Variants in SORD observed in about 807,000 individuals in gnomAD.
The protein encoded by SORD is sorbitol dehydrogenase.
A neutral mutation model predicts 35.6 loss-of-function variants in SORD; 18 were observed. The observed-to-expected ratio is 0.51, with a 90% CI of 0.35 to 0.75. The LOEUF (loss-of-function observed/expected upper bound fraction) is 0.75. Ranked by LOEUF, SORD falls within the 30% of genes least tolerant of loss-of-function variation. The pLI, the probability that SORD is intolerant of heterozygous loss-of-function variation, is 0.01. For missense variants in SORD, 250 were observed against 390.2 expected, an observed-to-expected ratio of 0.64 and a Z score of 3.03; for synonymous variants, 106 against 152.9, an observed-to-expected ratio of 0.69 and a Z score of 2.26.
chr15:45,053,502 C>G (rs376174637), intron 3 of SORD, among the ~76,000 whole-genome samples: 11 of 152,282 alleles, frequency 7.2e-5, no homozygotes, highest in African/African-American at 2.6e-4. Flanking sequence ...AACCAGACTT[C>G]CAACTTTTTT....
intron 5 of SORD, among the ~76,000 whole-genome samples, chr15:45,067,359 C>CA (rs1015984978): frequency 3.3e-5 from 5 of 151,322 alleles, no homozygotes; most frequent in Non-Finnish European, 5.9e-5. Context: ...GACTCTGTCT[C>CA]AAAAAAAATA....
chr15:45,051,795 T>C (rs1460072719), intron 3 of SORD, among the ~76,000 whole-genome samples: 1 of 152,236 alleles, frequency 6.6e-6, no homozygotes, highest in East Asian at 1.9e-4. Context: ...GAGATTCTTG[T>C]AAACCTTTTA....
chr15:45,053,008 G>A (rs1369247128), intron 3 of SORD, among the ~76,000 whole-genome samples: 1 of 152,096 alleles, frequency 6.6e-6, no homozygotes, highest in African/African-American at 2.4e-5. Flanking sequence ...CAGTTGGCTC[G>A]AGAATACAGA....
intron 1 of SORD, 32 bp from the exon 2 acceptor site, chr15:45,040,376 C>T (rs756896408): frequency 1.4e-5 from 18 of 1,281,670 alleles, no homozygotes; most frequent in South Asian, 1.1e-4. Context: ...CTTATGCATG[C>T]TAAATGATTT....
At chr15:45,045,544 C>CAA (rs58487905) in intron 3 of SORD, among the ~76,000 whole-genome samples, 18 of 62,768 alleles carry the variant, frequency 2.9e-4, no homozygotes, top group East Asian at 9.5e-4. Context: ...GACTCCATCT[C>CAA]AAAAAAAAAA....
chr15:45,069,919 A>T (rs1893483086), intron 7 of SORD: 1 of 152,126 alleles, frequency 6.6e-6, no homozygotes, highest in South Asian at 2.1e-4. Flanking sequence ...CCAGCCACTT[A>T]TGGGAAGTTG....
intron 3 of SORD, among the ~76,000 whole-genome samples, chr15:45,059,680 A>G (rs1339974136): frequency 1.3e-5 from 2 of 152,136 alleles, no homozygotes; most frequent in Non-Finnish European, 2.9e-5. Context: ...TTTTTTTTGT[A>G]AAGATGAGGT....
intron 2 of SORD, among the ~76,000 whole-genome samples, chr15:45,040,833 GA>G (rs1314282659): frequency 6.6e-6 from 1 of 152,186 alleles, no homozygotes; most frequent in Non-Finnish European, 1.5e-5. Flanking sequence ...CCCAAACTTT[GA>G]AAAGGAGTGA....
intron 7 of SORD, among the ~76,000 whole-genome samples, chr15:45,069,308 G>T (rs1415834761): frequency 7.2e-6 from 1 of 138,500 alleles, no homozygotes; most frequent in Admixed American, 8.1e-5. Context: ...CTGGGTTCAC[G>T]CCATTTTCCT....
chr15:45,056,514 A>G (rs1356146908), intron 3 of SORD, among the ~76,000 whole-genome samples: 1 of 152,246 alleles, frequency 6.6e-6, no homozygotes, highest in Non-Finnish European at 1.5e-5. Context: ...AGAACATTCC[A>G]TGCTCATGGG....
intron 3 of SORD, among the ~76,000 whole-genome samples, chr15:45,055,853 G>A (rs1478923059): frequency 6.6e-6 from 1 of 152,098 alleles, no homozygotes; most frequent in East Asian, 1.9e-4. Flanking sequence ...ATCAATAAAT[G>A]TAATCCAGCA....
At position 45,061,075 on chromosome 15, in the gene SORD, G is replaced by C. The variant is rs754260257; in HGVS notation, c.274G>C (p.Val92Leu). The change falls in exon 4 of 9, where the codon GTT becomes CTT. Residue 92 changes from valine to leucine, a missense_variant. Val to Leu is a conservative substitution (Grantham distance 32). Around this residue, in one of 8 missense-constraint regions of SORD, gnomAD observed 126 missense variants for 148.7 expected, o/e 0.85. Coordinates refer to ENST00000267814, the MANE Select transcript of SORD (RefSeq NM_003104.6). ...SVKHLKPGDR[V>L]AIEPGAPREN... ...TTTGTTTTCCTCTCCAGGTGATCGT[G>C]TTGCCATCGAGCCTGGTGCTCCCCG... 3.3e-5 allele frequency: 54 copies of C among 1,614,030 alleles called. No homozygotes were observed. The highest frequency in any genetic ancestry group is 3.3e-5 in the South Asian group (3 of 91,088).
At chr15:45,059,669 A>AT (rs939210004) in intron 3 of SORD, among the ~76,000 whole-genome samples, 25 of 152,114 alleles carry the variant, frequency 1.6e-4, no homozygotes, top group Admixed American at 1.2e-3. Flanking sequence ...AATTAAAAAA[A>AT]TTTTTTTTGT....
At chr15:45,035,945 G>T (rs1274911978) in intron 1 of SORD, among the ~76,000 whole-genome samples, 1 of 144,290 alleles carries the variant, frequency 6.9e-6, no homozygotes, top group South Asian at 2.3e-4. Context: ...CGGACACGTC[G>T]CCTTTAAGAA....
intron 3 of SORD, among the ~76,000 whole-genome samples, chr15:45,057,763 A>T (rs779308208): frequency 1.5e-4 from 23 of 152,166 alleles, no homozygotes; most frequent in Non-Finnish European, 3.2e-4. Context: ...AGCCTGGGCA[A>T]CAGAGTGAGA....
intron 5 of SORD, among the ~76,000 whole-genome samples, chr15:45,066,963 A>G (rs1893416546): frequency 1.3e-5 from 2 of 152,214 alleles, no homozygotes; most frequent in Non-Finnish European, 2.9e-5. Flanking sequence ...CAATCCCGTC[A>G]CCGATTAGCC....
intron 1 of SORD, among the ~76,000 whole-genome samples, chr15:45,024,134 C>G (rs1892633968): frequency 6.6e-6 from 1 of 152,198 alleles, no homozygotes; most frequent in African/African-American, 2.4e-5. Flanking sequence ...TAGGAAGTGG[C>G]TGAGTCAGCA....
chr15:45,049,214 C>A (rs1893090602), intron 3 of SORD, among the ~76,000 whole-genome samples: 1 of 152,158 alleles, frequency 6.6e-6, no homozygotes, highest in Admixed American at 6.6e-5. Context: ...TAACTGTGTG[C>A]CTAACTGGTT....
At chr15:45,070,872 G>C (rs1893500293) in intron 7 of SORD, 2 of 152,264 alleles carry the variant, frequency 1.3e-5, no homozygotes, top group South Asian at 4.1e-4. Flanking sequence ...TTCCACTGTT[G>C]ACGGTGGGGG....
Sources: gnomAD v4.1 joint callset for allele counts (sites outside exome capture counted in the v4.1 genomes callset) on GRCh38, gnomAD v4.1.1 for gene constraint, gnomAD v4.1.1 regional missense constraint, MANE v1.5 for transcripts, NCBI Gene and HGNC (gene_info 2026-07-23, HGNC 2026-07-21) for gene names.